CTNNA3: variants seen among roughly 807,000 people sequenced by gnomAD.
The protein encoded by CTNNA3 is catenin alpha-3.
CTNNA3 carries 76 observed loss-of-function variants against 95.7 expected under a neutral mutation model. That is an observed-to-expected ratio of 0.79 (90% CI 0.66 to 0.96). The LOEUF (loss-of-function observed/expected upper bound fraction) is 0.96, where lower values mean the gene tolerates loss of function less well. CTNNA3 is among the 40% of genes least tolerant of loss of function. CTNNA3 has a pLI of 0.00. For synonymous variants in CTNNA3, 431 were observed against 374.4 expected (o/e 1.15, Z -1.74); for missense variants, 1,191 against 1,089.8 (o/e 1.09, Z -1.31).
chr10:66,507,284 A>G (rs1840483328), intron 11 of CTNNA3, among the ~76,000 whole-genome samples: 1 of 152,154 alleles, frequency 6.6e-6, no homozygotes, highest in African/African-American at 2.4e-5. Context: ...ACATGTATAC[A>G]GTGTGTGATT....
chr10:66,649,203 T>C (rs1845811871), intron 9 of CTNNA3, among the ~76,000 whole-genome samples: 1 of 151,952 alleles, frequency 6.6e-6, no homozygotes, highest in Non-Finnish European at 1.5e-5. Context: ...TAGAGTGAAT[T>C]AAGGAGTAGA....
chr10:66,285,505 T>C (rs1264722315), intron 12 of CTNNA3, among the ~76,000 whole-genome samples: 1 of 151,838 alleles, frequency 6.6e-6, no homozygotes, highest in African/African-American at 2.4e-5. Flanking sequence ...TGATGAAGAT[T>C]AAGCTCTTTC....
At chr10:66,332,500 A>G (rs1395331022) in intron 12 of CTNNA3, among the ~76,000 whole-genome samples, 1 of 151,886 alleles carries the variant, frequency 6.6e-6, no homozygotes. Flanking sequence ...GGTTTTTGTC[A>G]TTGGTTCTGT....
At chr10:66,417,681 C>T (rs2132618831) in intron 11 of CTNNA3, among the ~76,000 whole-genome samples, 1 of 152,074 alleles carries the variant, frequency 6.6e-6, no homozygotes, top group South Asian at 2.1e-4. Flanking sequence ...CAAGTACCTT[C>T]TCAGATCACA....
At chr10:67,742,429 A>T (rs2133642402) in intron 1 of CTNNA3, among the ~76,000 whole-genome samples, 1 of 151,500 alleles carries the variant, frequency 6.6e-6, no homozygotes, top group Non-Finnish European at 1.5e-5. Context: ...TGAAGGCAGA[A>T]ACAAAGATGT....
intron 11 of CTNNA3, among the ~76,000 whole-genome samples, chr10:66,391,934 T>C (rs377154119): frequency 3.3e-4 from 50 of 152,012 alleles, no homozygotes; most frequent in African/African-American, 1.2e-3. Context: ...AAACATTTTA[T>C]GTTAAATCAT....
At chr10:66,308,144 A>G (rs1324958733) in intron 12 of CTNNA3, among the ~76,000 whole-genome samples, 1 of 152,204 alleles carries the variant, frequency 6.6e-6, no homozygotes, top group Non-Finnish European at 1.5e-5. Context: ...TTGCAAATGA[A>G]AATTTAAGAT....
chr10:66,386,904 T>G (rs886797433), intron 11 of CTNNA3, among the ~76,000 whole-genome samples: 1 of 152,188 alleles, frequency 6.6e-6, no homozygotes, highest in Non-Finnish European at 1.5e-5. Context: ...TGTAGAAAGC[T>G]AACACTGGAT....
At chr10:66,694,707 CT>C (rs1847692412) in intron 9 of CTNNA3, among the ~76,000 whole-genome samples, 3 of 152,136 alleles carry the variant, frequency 2.0e-5, no homozygotes, top group Admixed American at 2.0e-4. Context: ...CATAATTTGC[CT>C]CTGCCATCAA....
At chr10:66,008,034 T>C (rs2078932571) in intron 15 of CTNNA3, among the ~76,000 whole-genome samples, 1 of 152,046 alleles carries the variant, frequency 6.6e-6, no homozygotes, top group African/African-American at 2.4e-5. Flanking sequence ...TTTCCCCAAA[T>C]ACTCTTGAAA....
At chr10:66,450,275 G>A (rs1470384402) in intron 11 of CTNNA3, among the ~76,000 whole-genome samples, 1 of 152,010 alleles carries the variant, frequency 6.6e-6, no homozygotes, top group Non-Finnish European at 1.5e-5. Flanking sequence ...AAGAGTTTTG[G>A]TATTTTTTCC....
chr10:66,068,650 CT>C (rs1394804523), intron 15 of CTNNA3, among the ~76,000 whole-genome samples: 1 of 152,118 alleles, frequency 6.6e-6, no homozygotes, highest in Admixed American at 6.6e-5. Flanking sequence ...GTGTATCCTT[CT>C]GTACTGTGGC....
At chr10:65,965,007 C>T (rs3000933) in intron 17 of CTNNA3, among the ~76,000 whole-genome samples, 45,221 of 152,010 alleles carry the variant, frequency 0.3, 7,130 homozygotes, top group Admixed American at 0.41. Flanking sequence ...GCATTTTTCT[C>T]TGAAAAGTGA....
chr10:65,942,887 C>T (rs2077450810), intron 17 of CTNNA3, among the ~76,000 whole-genome samples: 1 of 152,086 alleles, frequency 6.6e-6, no homozygotes, highest in Non-Finnish European at 1.5e-5. Flanking sequence ...AGTTTTGCCT[C>T]AGGTTTTAAT....
At chr10:66,647,343 G>C (rs551356100) in intron 9 of CTNNA3, among the ~76,000 whole-genome samples, 54 of 151,980 alleles carry the variant, frequency 3.6e-4, no homozygotes, top group Non-Finnish European at 6.2e-4. Context: ...TCAAAATACA[G>C]GAAAGTAACT....
intron 1 of CTNNA3, among the ~76,000 whole-genome samples, chr10:67,692,915 G>A (rs978565596): frequency 6.6e-6 from 1 of 152,132 alleles, no homozygotes; most frequent in South Asian, 2.1e-4. Flanking sequence ...TCCAGTATTT[G>A]AGAGACTTTC....
At position 67,185,134 on chromosome 10, in the gene CTNNA3, CTTTTT is replaced by C. The variant is rs369700710; in HGVS notation, c.844-4619_844-4615del. The stretch of plus-strand genomic sequence containing the variant: ...CTTCCTATTTTTCTTTTTTTCTTTT[CTTTTT>C]TTGTTTTTTAGATGGAGTCTCACTC... On this transcript the variant is annotated intron_variant, in intron 6 of 17. Transcript: ENST00000433211. Among the ~76,000 whole-genome samples, 72 of 151,396 alleles carry C rather than the reference CTTTTT, an allele frequency of 4.8e-4. No homozygotes were observed. In the East Asian group the frequency reaches 0.013, roughly 27 times the overall value.
intron 5 of CTNNA3, among the ~76,000 whole-genome samples, chr10:67,369,914 A>T (rs896178583): frequency 3.3e-5 from 5 of 152,176 alleles, no homozygotes; most frequent in African/African-American, 9.6e-5. Flanking sequence ...ACAAATTACA[A>T]ATGCATATGC....
chr10:67,677,943 A>T (rs778011889), intron 1 of CTNNA3, among the ~76,000 whole-genome samples: 2 of 152,162 alleles, frequency 1.3e-5, no homozygotes, highest in Non-Finnish European at 2.9e-5. Flanking sequence ...AGTTGCCCCG[A>T]TGCAAATGTA....
Sources: gnomAD v4.1 joint callset for allele counts (sites outside exome capture counted in the v4.1 genomes callset) on GRCh38, gnomAD v4.1.1 for gene constraint, MANE v1.5 for transcripts, NCBI Gene and HGNC (gene_info 2026-07-23, HGNC 2026-07-21) for gene names.